The following EDIL3 variants were observed in gnomAD, a reference collection of about 807,000 sequenced individuals.
The protein encoded by EDIL3 is EGF like and discoidin domains 3, also known as EGF-like repeat and discoidin I-like domain-containing protein 3.
A neutral mutation model predicts 67.4 loss-of-function variants in EDIL3; 37 were observed. The observed-to-expected ratio is 0.55, with a 90% CI of 0.42 to 0.72. The LOEUF (loss-of-function observed/expected upper bound fraction) is 0.72, where lower values mean the gene tolerates loss of function less well. EDIL3 is among the 30% of genes least tolerant of loss of function. The pLI is 0.00. For missense variants in EDIL3, 527 were observed against 586.3 expected, an observed-to-expected ratio of 0.90 and a Z score of 1.04; for synonymous variants, 195 against 196.3, an observed-to-expected ratio of 0.99 and a Z score of 0.05.
intron 3 of EDIL3, among the ~76,000 whole-genome samples, chr5:84,216,842 A>G (rs1744235657): frequency 6.6e-6 from 1 of 152,302 alleles, no homozygotes; most frequent in South Asian, 2.1e-4. Flanking sequence ...AGCCCTTTAC[A>G]TGTATTGTTG....
chr5:84,154,693 CTTTTTT>C (rs397881707), intron 4 of EDIL3, among the ~76,000 whole-genome samples: 18 of 92,294 alleles, frequency 2.0e-4, no homozygotes, highest in Non-Finnish European at 3.0e-4. Flanking sequence ...TCTGCTTCTG[CTTTTTT>C]TTTTTTTTTT....
intron 1 of EDIL3, among the ~76,000 whole-genome samples, chr5:84,291,046 C>T (rs1240839721): frequency 6.6e-6 from 1 of 152,114 alleles, no homozygotes; most frequent in African/African-American, 2.4e-5. Flanking sequence ...TGATAACCTG[C>T]TTTAAAATTT....
At chr5:84,080,125 A>C (rs1580317148) in intron 6 of EDIL3, among the ~76,000 whole-genome samples, 1 of 89,914 alleles carries the variant, frequency 1.1e-5, no homozygotes, top group African/African-American at 4.2e-5. Flanking sequence ...CAAAAAAAAA[A>C]AAAAAAAAAA....
chr5:84,383,911 CT>C lies in EDIL3; in HGVS notation c.67+396del, dbSNP rs1178468198. On this transcript the variant is annotated intron_variant, in intron 1 of 10. Coordinates refer to ENST00000296591, the MANE Select transcript of EDIL3 (RefSeq NM_005711.5). ...ACTAGCTGACGCCCGGGCGCACTGG[CT>C]TCCCCCGCTCCCGCCCGCACGAAAG... Among the ~76,000 whole-genome samples, 5 of 152,274 alleles carry C rather than the reference CT, an allele frequency of 3.3e-5. No homozygotes were observed. The East Asian group carries it at 7.8e-4, about 24-fold the overall frequency.
intron 1 of EDIL3, among the ~76,000 whole-genome samples, chr5:84,278,461 T>C (rs1580051376): frequency 6.6e-6 from 1 of 152,150 alleles, no homozygotes; most frequent in African/African-American, 2.4e-5. Context: ...CCACATTATA[T>C]GGTAATAGCT....
chr5:84,008,193 G>A lies in EDIL3; in HGVS notation c.1138-44833C>T, dbSNP rs535856563. On this transcript the variant is annotated intron_variant, in intron 9 of 10. Transcript: ENST00000296591. ...GTTAATGGGTACAAACATATGGTTA[G>A]AAAGAAGAAATAAGATCTAGTATTT... 5.9e-5 allele frequency among the ~76,000 whole-genome samples: 9 copies of A among 152,174 alleles called. No homozygotes were observed. The South Asian group carries it at 6.2e-4, about 11-fold the overall frequency.
intron 3 of EDIL3, among the ~76,000 whole-genome samples, chr5:84,203,114 T>G (rs1743880855): frequency 6.6e-6 from 1 of 152,116 alleles, no homozygotes; most frequent in Non-Finnish European, 1.5e-5. Context: ...AAGTAATGGA[T>G]TGTTGTTCAT....
chr5:83,952,847 T>C (rs767256077), intron 10 of EDIL3, among the ~76,000 whole-genome samples: 18 of 151,858 alleles, frequency 1.2e-4, no homozygotes, highest in Non-Finnish European at 1.8e-4. Context: ...TCAAGTCTCA[T>C]TGAAGAGTTT....
At chr5:84,376,619 A>G (rs1427973231) in intron 1 of EDIL3, among the ~76,000 whole-genome samples, 4 of 152,256 alleles carry the variant, frequency 2.6e-5, no homozygotes, top group African/African-American at 9.6e-5. Context: ...GTTATGTAAG[A>G]AAGTGAAAAA....
intron 3 of EDIL3, among the ~76,000 whole-genome samples, chr5:84,197,362 A>C (rs1218842593): frequency 6.6e-6 from 1 of 151,984 alleles, no homozygotes; most frequent in Non-Finnish European, 1.5e-5. Context: ...GAACAAATAG[A>C]AGTTGGCTGT....
chr5:84,295,621 G>A (rs1746034183), intron 1 of EDIL3, among the ~76,000 whole-genome samples: 2 of 151,910 alleles, frequency 1.3e-5, no homozygotes, highest in South Asian at 4.1e-4. Context: ...AAAAATAGCA[G>A]AGTAATAATA....
intron 1 of EDIL3, among the ~76,000 whole-genome samples, chr5:84,315,228 T>G (rs919236978): frequency 2.0e-5 from 3 of 152,214 alleles, no homozygotes; most frequent in Non-Finnish European, 4.4e-5. Flanking sequence ...ATAAATGATT[T>G]GAAATGTCAT....
intron 4 of EDIL3, among the ~76,000 whole-genome samples, chr5:84,141,795 T>G (rs1225578984): frequency 2.7e-5 from 4 of 149,124 alleles, no homozygotes; most frequent in African/African-American, 9.8e-5. Flanking sequence ...CATTACAGAT[T>G]TGTAAATGTG....
At chr5:84,041,635 CATATACTTACAT>C (rs1217197577) in intron 9 of EDIL3, among the ~76,000 whole-genome samples, 7 of 145,664 alleles carry the variant, frequency 4.8e-5, no homozygotes, top group Non-Finnish European at 7.5e-5. Flanking sequence ...CACACATATA[CATATACTTACAT>C]ATATACTTAT....
At chr5:84,214,148 C>G (rs895844468) in intron 3 of EDIL3, among the ~76,000 whole-genome samples, 1 of 152,174 alleles carries the variant, frequency 6.6e-6, no homozygotes, top group African/African-American at 2.4e-5. Context: ...ATGGCTAAAT[C>G]ATTGCCACTG....
At chr5:84,326,820 CTCTT>C (rs1273395010) in intron 1 of EDIL3, among the ~76,000 whole-genome samples, 1 of 151,666 alleles carries the variant, frequency 6.6e-6, no homozygotes, top group East Asian at 1.9e-4. Flanking sequence ...TCTACATTCT[CTCTT>C]TGAGAAAATA....
At chr5:83,962,950 A>G (rs933301150) in intron 10 of EDIL3, among the ~76,000 whole-genome samples, 4 of 151,516 alleles carry the variant, frequency 2.6e-5, no homozygotes, top group African/African-American at 9.7e-5. Flanking sequence ...TGAATCTTAG[A>G]TAGTCAGATC....
At chr5:84,007,747 C>T (rs1745444013) in intron 9 of EDIL3, among the ~76,000 whole-genome samples, 1 of 152,058 alleles carries the variant, frequency 6.6e-6, no homozygotes, top group African/African-American at 2.4e-5. Context: ...AATAGAACTA[C>T]CATATGATCC....
chr5:84,141,917 A>G (rs1011045257), intron 4 of EDIL3, among the ~76,000 whole-genome samples: 2 of 99,820 alleles, frequency 2.0e-5, no homozygotes, highest in East Asian at 1.4e-3. Flanking sequence ...ATATATATAT[A>G]TATATACACA....
Sources: allele counts gnomAD v4.1 joint callset (sites outside exome capture counted in the v4.1 genomes callset), GRCh38; gene constraint gnomAD v4.1.1; transcripts MANE v1.5; gene names NCBI Gene and HGNC (gene_info 2026-07-23, HGNC 2026-07-21).